Variants in SPAG6 observed in about 807,000 individuals in gnomAD.
SPAG6 encodes the protein sperm-associated antigen 6.
In SPAG6, 49 loss-of-function variants were observed where a neutral mutation model predicts 58.5. That is an observed-to-expected ratio of 0.84 (90% CI 0.67 to 1.06). The LOEUF (loss-of-function observed/expected upper bound fraction) is 1.06. Among genes scored for constraint, SPAG6 ranks in the 50% least tolerant of loss-of-function variants. SPAG6 has a pLI of 0.00. For missense variants in SPAG6, 560 were observed against 611.3 expected, an observed-to-expected ratio of 0.92 and a Z score of 0.89; for synonymous variants, 233 against 225.6, an observed-to-expected ratio of 1.03 and a Z score of -0.29.
intron 6 of SPAG6, 102 bp downstream of exon 6, chr10:22,388,098 C>A (rs1834109432): frequency 5.5e-6 from 5 of 911,724 alleles, no homozygotes; most frequent in Non-Finnish European, 8.0e-6. Flanking sequence ...GGCACATGAT[C>A]TAGTTGAGTC....
rs1332576325 is a variant in SPAG6 at position 22,417,541 on chromosome 10, A to G, written c.*853A>G. On this transcript the variant is annotated 3_prime_UTR_variant, in exon 11 of 11. Transcript: ENST00000376624. ...TAATACCATCAGGCTCAGAGTTTAC[A>G]TGCATTTTTACTTAGGAAGTGGTAA... 2 of 152,242 alleles carry G rather than the reference A, an allele frequency of 1.3e-5. No individual in the cohort carries two copies. Among genetic ancestry groups the G allele is most frequent in the Non-Finnish European group, 2.9e-5 (2 of 68,036 alleles). The allele number at this position is 152,242 out of a possible 1,614,324, so 9.4% of individuals were successfully genotyped here.
At chr10:22,391,224 G>A (rs1834176434) in intron 7 of SPAG6, among the ~76,000 whole-genome samples, 1 of 152,148 alleles carries the variant, frequency 6.6e-6, no homozygotes, top group African/African-American at 2.4e-5. Context: ...TTTATGTACT[G>A]TTTCAGGAAA....
At chr10:22,382,835 A>G (rs1169268767) in intron 4 of SPAG6, among the ~76,000 whole-genome samples, 1 of 152,212 alleles carries the variant, frequency 6.6e-6, no homozygotes, top group Non-Finnish European at 1.5e-5. Context: ...AGACATGCTT[A>G]TATTTACTTT....
At chr10:22,351,791 G>C (rs1247798542) in intron 2 of SPAG6, among the ~76,000 whole-genome samples, 1 of 152,134 alleles carries the variant, frequency 6.6e-6, no homozygotes, top group African/African-American at 2.4e-5. Flanking sequence ...AATTTTCAAA[G>C]TGAAATCTTG....
intron 4 of SPAG6, 150 bp from the exon 5 acceptor site, chr10:22,386,604 T>A: frequency 1.5e-6 from 1 of 647,218 alleles, no homozygotes; most frequent in South Asian, 1.8e-5. Flanking sequence ...ACATGGTTTA[T>A]GAAACCAGGA....
intron 2 of SPAG6, among the ~76,000 whole-genome samples, chr10:22,355,400 T>TA (rs1361302100): frequency 6.6e-6 from 1 of 152,154 alleles, no homozygotes; most frequent in East Asian, 1.9e-4. Flanking sequence ...GCCCTTCCAC[T>TA]AAAAAATGAT....
At chr10:22,356,712 C>T (rs577848620) in intron 2 of SPAG6, among the ~76,000 whole-genome samples, 2 of 152,332 alleles carry the variant, frequency 1.3e-5, no homozygotes, top group African/African-American at 2.4e-5. Context: ...TTCTGAATAT[C>T]TCCTTAGACC....
At chr10:22,368,093 T>A (rs1317890520) in intron 3 of SPAG6, among the ~76,000 whole-genome samples, 2 of 152,206 alleles carry the variant, frequency 1.3e-5, no homozygotes, top group East Asian at 3.8e-4. Flanking sequence ...AATGAATTAG[T>A]CAGTTGACAG....
chr10:22,410,695 A>C (rs1307282852), intron 9 of SPAG6, among the ~76,000 whole-genome samples: 1 of 152,228 alleles, frequency 6.6e-6, no homozygotes, highest in Non-Finnish European at 1.5e-5. Flanking sequence ...GCTGGGTCCC[A>C]GAGGACCCTT....
intron 8 of SPAG6, among the ~76,000 whole-genome samples, chr10:22,398,407 TAAAAAAA>T (rs60248912): frequency 2.0e-5 from 3 of 151,794 alleles, no homozygotes; most frequent in African/African-American, 7.3e-5. Flanking sequence ...TTCATCAAGA[TAAAAAAA>T]AATCCTCTTA....
chr10:22,402,284 T>A (rs1189896552), intron 9 of SPAG6, among the ~76,000 whole-genome samples: 3 of 151,298 alleles, frequency 2.0e-5, no homozygotes, highest in African/African-American at 2.4e-5. Flanking sequence ...TTAAAAGATT[T>A]AAAAAAAAAT....
At chr10:22,416,279 C>A (rs1298212788) in intron 10 of SPAG6, among the ~76,000 whole-genome samples, 2 of 151,974 alleles carry the variant, frequency 1.3e-5, no homozygotes, top group Non-Finnish European at 2.9e-5. Flanking sequence ...TAGCTAGGAT[C>A]CTTAAAGCAA....
chr10:22,400,433 C>CA (rs1834382406), intron 8 of SPAG6, among the ~76,000 whole-genome samples: 1 of 152,084 alleles, frequency 6.6e-6, no homozygotes, highest in Admixed American at 6.6e-5. Context: ...TGATGTGCTG[C>CA]AGCCCCATCA....
chr10:22,360,194 C>T (rs1836993921), intron 2 of SPAG6, among the ~76,000 whole-genome samples: 1 of 151,882 alleles, frequency 6.6e-6, no homozygotes, highest in Non-Finnish European at 1.5e-5. Context: ...AAACTTAAGT[C>T]ATATATGTAT....
chr10:22,360,913 A>G, intron 2 of SPAG6: 1 of 979,174 alleles, frequency 1.0e-6, no homozygotes, highest in Non-Finnish European at 1.6e-6. Context: ...CCTTCCTTCC[A>G]TTGTCACCAT....
At chr10:22,394,005 G>T (rs1435518271) in intron 8 of SPAG6, among the ~76,000 whole-genome samples, 2 of 152,250 alleles carry the variant, frequency 1.3e-5, no homozygotes, top group East Asian at 3.9e-4. Flanking sequence ...GCAGGAGAAC[G>T]AATGAGCAAT....
At chr10:22,360,850 T>C (rs1837015274) in intron 2 of SPAG6, 1 of 1,527,580 alleles carries the variant, frequency 6.5e-7, no homozygotes, top group African/African-American at 1.4e-5. Flanking sequence ...GATCTCTGGA[T>C]ACCTAATGGA....
intron 8 of SPAG6, among the ~76,000 whole-genome samples, chr10:22,397,966 A>G (rs1834334018): frequency 6.6e-6 from 1 of 152,232 alleles, no homozygotes. Flanking sequence ...ACAATCTTGA[A>G]AAAGAAGAAC....
At position 22,411,840 on chromosome 10, in the gene SPAG6, C is replaced by CTTTTTTT. The variant is rs546172800; in HGVS notation, c.1460+684_1460+690dup. Among the ~76,000 whole-genome samples, 664 of 66,780 alleles carry CTTTTTTT rather than the reference C, an allele frequency of 9.9e-3. 74 individuals are homozygous for CTTTTTTT. Among genetic ancestry groups the CTTTTTTT allele is most frequent in the African/African-American group, 0.038 (646 of 17,134 alleles). The allele number at this position is 66,780 out of a possible 152,430, so 43.8% of individuals were successfully genotyped here. A position where few individuals can be genotyped will look rare whatever the true frequency, so the allele number is the denominator to read the frequency against. On this transcript the variant is annotated intron_variant, in intron 10 of 10. Transcript: ENST00000376624. ...AAGAGAATGATTTAAACAACTGAAT[C>CTTTTTTT]TTTTTTTTTTTTTTTTTTTTTTTTT...
Sources: allele counts gnomAD v4.1 joint callset (sites outside exome capture counted in the v4.1 genomes callset), GRCh38; gene constraint gnomAD v4.1.1; transcripts MANE v1.5; gene names NCBI Gene and HGNC (gene_info 2026-07-23, HGNC 2026-07-21).